The following CNBD1 variants were observed in gnomAD, a reference collection of about 807,000 sequenced individuals.
CNBD1 encodes the protein cyclic nucleotide-binding domain-containing protein 1.
CNBD1 carries 71 observed loss-of-function variants against 54.4 expected under a neutral mutation model. The observed-to-expected ratio is 1.30, with a 90% CI of 1.08 to 1.59. The LOEUF (loss-of-function observed/expected upper bound fraction) is 1.59, where lower values mean the gene tolerates loss of function less well. Among genes scored for constraint, CNBD1 ranks in the 40% most tolerant of loss-of-function variants. The pLI is 0.00. For synonymous variants in CNBD1, 182 were observed against 170.7 expected, an observed-to-expected ratio of 1.07 and a Z score of -0.51; for missense variants, 659 against 518.0, an observed-to-expected ratio of 1.27 and a Z score of -2.64.
intron 4 of CNBD1, among the ~76,000 whole-genome samples, chr8:87,197,869 C>A (rs917421816): frequency 6.6e-6 from 1 of 152,000 alleles, no homozygotes; most frequent in South Asian, 2.1e-4. Context: ...CTTCCCTAAC[C>A]CCTTGTCATT....
At chr8:87,049,451 T>C (rs1810269534) in intron 4 of CNBD1, among the ~76,000 whole-genome samples, 1 of 152,172 alleles carries the variant, frequency 6.6e-6, no homozygotes, top group Non-Finnish European at 1.5e-5. Context: ...CTAGCTCAGC[T>C]AGTTGAGCAC....
At chr8:87,118,314 C>CAAAAAAAAAAAAAAAAA (rs34800282) in intron 4 of CNBD1, among the ~76,000 whole-genome samples, 1 of 109,176 alleles carries the variant, frequency 9.2e-6, no homozygotes. Flanking sequence ...GACTCTGTCT[C>CAAAAAAAAAAAAAAAAA]AAAAAAAAAA....
At chr8:87,295,966 C>T (rs1312324235) in intron 8 of CNBD1, among the ~76,000 whole-genome samples, 3 of 151,896 alleles carry the variant, frequency 2.0e-5, no homozygotes, top group Non-Finnish European at 2.9e-5. Flanking sequence ...AAAATGCGAA[C>T]TCTTATGTTT....
chr8:87,115,627 G>A (rs1029064692), intron 4 of CNBD1, among the ~76,000 whole-genome samples: 3 of 152,140 alleles, frequency 2.0e-5, no homozygotes, highest in African/African-American at 7.2e-5. Context: ...TATGACATGG[G>A]AAATAGTTCT....
chr8:87,263,399 A>G (rs1174034772), intron 6 of CNBD1, among the ~76,000 whole-genome samples: 1 of 152,148 alleles, frequency 6.6e-6, no homozygotes, highest in African/African-American at 2.4e-5. Context: ...GGCAACATGT[A>G]TAGCTAGTTG....
chr8:86,959,282 T>C (rs926203634), intron 4 of CNBD1, among the ~76,000 whole-genome samples: 1 of 152,220 alleles, frequency 6.6e-6, no homozygotes, highest in African/African-American at 2.4e-5. Flanking sequence ...GCCCTTAACA[T>C]TTTTTCCTTC....
chr8:87,065,798 G>A (rs1382273744), intron 4 of CNBD1, among the ~76,000 whole-genome samples: 1 of 151,926 alleles, frequency 6.6e-6, no homozygotes, highest in Non-Finnish European at 1.5e-5. Flanking sequence ...GGAGAAAACT[G>A]GGACTTGCTC....
At chr8:87,346,447 T>G (rs1262825669) in intron 8 of CNBD1, among the ~76,000 whole-genome samples, 1 of 151,972 alleles carries the variant, frequency 6.6e-6, no homozygotes, top group Admixed American at 6.6e-5. Context: ...AAATTTCTAT[T>G]TGGTTATTTT....
intron 4 of CNBD1, among the ~76,000 whole-genome samples, chr8:87,027,158 A>C (rs1021861932): frequency 4.7e-5 from 7 of 148,652 alleles, no homozygotes; most frequent in African/African-American, 1.3e-4. Flanking sequence ...TTCTGATAGT[A>C]ATACAAACTC....
At chr8:87,187,676 C>T (rs1430451020) in intron 4 of CNBD1, among the ~76,000 whole-genome samples, 2 of 152,112 alleles carry the variant, frequency 1.3e-5, no homozygotes, top group African/African-American at 2.4e-5. Flanking sequence ...AAATTGCTTG[C>T]CTAACTTTGA....
chr8:87,292,070 TTC>T (rs1274912068), intron 8 of CNBD1, among the ~76,000 whole-genome samples: 2 of 152,228 alleles, frequency 1.3e-5, no homozygotes, highest in African/African-American at 4.8e-5. Context: ...TTGGCATTAA[TTC>T]TCTCTGTTTG....
Position 87,323,201 on chromosome 8 carries a change from A to C in CNBD1, c.1043-28484A>C, listed in dbSNP as rs1325216047. Among the ~76,000 whole-genome samples the C allele has an allele frequency of 4.2e-5, 5 of 119,392 alleles. No individual in the cohort carries two copies. In the South Asian group the frequency reaches 7.9e-4, roughly 19 times the overall value. 78.3% of individuals were successfully genotyped at this position (119,392 alleles called of 152,430 possible). A position where few individuals can be genotyped will look rare whatever the true frequency, so the allele number is the denominator to read the frequency against. ...GTACCAGTACCATGCTGTTTTGGTTACTGTAGCCTTGTAGTATAGTTTGAA... is the reference window on the plus strand; with the variant it reads ...GTACCAGTACCATGCTGTTTTGGTTCCTGTAGCCTTGTAGTATAGTTTGAA... On this transcript the variant is annotated intron_variant, in intron 8 of 10. Transcript: ENST00000518476.
intron 6 of CNBD1, among the ~76,000 whole-genome samples, chr8:87,241,492 T>C (rs1477764341): frequency 6.6e-6 from 1 of 152,024 alleles, no homozygotes; most frequent in African/African-American, 2.4e-5. Context: ...CAGGATCGTC[T>C]TGATCTCCTG....
chr8:86,947,074 G>A (rs1347542390), intron 4 of CNBD1, among the ~76,000 whole-genome samples: 4 of 152,104 alleles, frequency 2.6e-5, no homozygotes, highest in Admixed American at 2.6e-4. Flanking sequence ...GTTGTTTCTA[G>A]TAGAGTGTGG....
At chr8:87,285,741 A>G (rs966228773) in intron 7 of CNBD1, among the ~76,000 whole-genome samples, 2 of 152,144 alleles carry the variant, frequency 1.3e-5, no homozygotes, top group African/African-American at 2.4e-5. Flanking sequence ...ATGGTGGTGC[A>G]TGCCTGTAAT....
At chr8:87,260,034 T>C (rs1808104626) in intron 6 of CNBD1, among the ~76,000 whole-genome samples, 2 of 152,060 alleles carry the variant, frequency 1.3e-5, no homozygotes, top group South Asian at 4.1e-4. Context: ...CAGAAAAGAC[T>C]CATTTTTTAA....
intron 1 of CNBD1, among the ~76,000 whole-genome samples, chr8:86,876,533 A>AT (rs1425823959): frequency 3.4e-5 from 5 of 147,968 alleles, no homozygotes; most frequent in Non-Finnish European, 6.0e-5. Context: ...TACTTTCTAT[A>AT]TTTTTTCTGT....
intron 4 of CNBD1, among the ~76,000 whole-genome samples, chr8:87,132,284 A>G (rs540176529): frequency 2.0e-5 from 3 of 151,972 alleles, no homozygotes; most frequent in South Asian, 4.1e-4. Flanking sequence ...AGTAAGTTTG[A>G]TATCTCTTGG....
At chr8:86,899,140 T>C (rs921383259) in intron 2 of CNBD1, among the ~76,000 whole-genome samples, 2 of 151,866 alleles carry the variant, frequency 1.3e-5, no homozygotes, top group African/African-American at 4.8e-5. Flanking sequence ...AATACAGAGA[T>C]AGAGAACAGT....
Sources: gnomAD v4.1 joint callset for allele counts (sites outside exome capture counted in the v4.1 genomes callset) on GRCh38, gnomAD v4.1.1 for gene constraint, MANE v1.5 for transcripts, NCBI Gene and HGNC (gene_info 2026-07-23, HGNC 2026-07-21) for gene names.